The following WDR3 variants were observed in gnomAD, a reference collection of about 807,000 sequenced individuals.
The protein encoded by WDR3 is WD repeat domain 3.
A neutral mutation model predicts 123.7 loss-of-function variants in WDR3; 81 were observed. The ratio of observed to expected loss-of-function variants is 0.65; its 90% confidence interval spans 0.55 to 0.79. The LOEUF (loss-of-function observed/expected upper bound fraction) is 0.79. WDR3 is among the 30% of genes least tolerant of loss of function. WDR3 has a pLI of 0.00. For synonymous variants in WDR3, 390 were observed against 388.8 expected (o/e 1.00, Z -0.04); for missense variants, 1,027 against 1,123.2 (o/e 0.91, Z 1.22).
Position 117,952,374 on chromosome 1 carries a change from ATG to A in WDR3, c.1983_1984del (p.Ala662ArgfsTer4). On this transcript the variant is annotated frameshift_variant, in exon 18 of 27. Coordinates refer to ENST00000349139, the MANE Select transcript of WDR3 (RefSeq NM_006784.3). LOFTEE classifies it high-confidence loss of function. Reference sequence around the variant, plus strand: ...AAAGATCATAAGATTAAACAGTGGGATGCAGACAAATTTGAACACATACAGAC... The same window carrying A: ...AAAGATCATAAGATTAAACAGTGGGACAGACAAATTTGAACACATACAGAC... 6.2e-7 allele frequency: 1 copy of A among 1,613,414 alleles called. No homozygotes were observed. Among genetic ancestry groups the A allele is most frequent in the East Asian group, 2.2e-5 (1 of 44,872 alleles).
Position 117,959,852 on chromosome 1 carries a change from T to G in WDR3, c.*405T>G, listed in dbSNP as rs905812633. On this transcript the variant is annotated 3_prime_UTR_variant, in exon 27 of 27. Coordinates refer to ENST00000349139, the MANE Select transcript of WDR3 (RefSeq NM_006784.3). Reference sequence around the variant, plus strand: ...GTCATTTATTTATATTAGGTTTTACTGCCTATTGAGACAACCAGGTGCATA... The same window carrying G: ...GTCATTTATTTATATTAGGTTTTACGGCCTATTGAGACAACCAGGTGCATA... 1.3e-5 allele frequency: 2 copies of G among 154,126 alleles called. No individual in the cohort carries two copies. The highest frequency in any genetic ancestry group is 4.8e-5 in the African/African-American group (2 of 41,492). The allele number at this position is 154,126 out of a possible 1,614,324, so 9.5% of individuals were successfully genotyped here.
Position 117,964,034 on chromosome 1 carries a change from C to T in WDR3, c.*4587C>T. 1 of 1,390,636 alleles carries T rather than the reference C, an allele frequency of 7.2e-7. No individual in the cohort carries two copies. Among genetic ancestry groups the T allele is most frequent in the Non-Finnish European group, 9.8e-7 (1 of 1,019,282 alleles). 86.1% of individuals were successfully genotyped at this position (1,390,636 alleles called of 1,614,324 possible). ...TAGAATCATAGAATTTCTTCTCTGG[C>T]AACATCAGTTCAATTTTAGGTAACT... On this transcript the variant is annotated 3_prime_UTR_variant, in exon 27 of 27. Transcript: ENST00000349139.
chr1:117,950,817 G>A lies in WDR3; in HGVS notation c.1747-17G>A, dbSNP rs1557822685. 6.3e-7 allele frequency: 1 copy of A among 1,596,422 alleles called. No homozygotes were observed. Among genetic ancestry groups the A allele is most frequent in the Non-Finnish European group, 8.5e-7 (1 of 1,170,474 alleles). ...TATTTTATAGACAGACATTAATTAT[G>A]TTTTTTTGATGTTTAGTTTTTTCTG... On this transcript the variant is annotated splice_polypyrimidine_tract_variant and intron_variant, in intron 15 of 26. Transcript: ENST00000349139.
Position 117,941,849 on chromosome 1 carries a change from T to C in WDR3, c.989+2T>C. The C allele has an allele frequency of 6.2e-7, 1 of 1,604,440 alleles. No homozygotes were observed. Among genetic ancestry groups the C allele is most frequent in the Non-Finnish European group, 8.5e-7 (1 of 1,177,228 alleles). ...GAAGAAAGCTAGAAAGAAAGCAAAGTATGTTTTCTTAATACTTACATTAAT... is the reference window on the plus strand; with the variant it reads ...GAAGAAAGCTAGAAAGAAAGCAAAGCATGTTTTCTTAATACTTACATTAAT... On this transcript the variant is annotated splice_donor_variant, in intron 9 of 26. Transcript: ENST00000349139. LOFTEE classifies it high-confidence loss of function.
At chr1:117,952,199 C>T in intron 17 of WDR3, 98 bp from the exon 18 acceptor site, 1 of 1,412,458 alleles carries the variant, frequency 7.1e-7, no homozygotes, top group Non-Finnish European at 9.8e-7. Context: ...TATAGTCAGA[C>T]ACCCTAGAAC....
At chr1:117,954,443 C>A in intron 22 of WDR3, 137 bp from the exon 23 acceptor site, 1 of 786,668 alleles carries the variant, frequency 1.3e-6, no homozygotes. Context: ...TTTGATAATT[C>A]TTTTACACTC....
chr1:117,934,258 ATAAT>A lies in WDR3; in HGVS notation c.172-211_172-208del, dbSNP rs894223204. Among the ~76,000 whole-genome samples the A allele has an allele frequency of 3.0e-4, 45 of 152,344 alleles. 1 individual carries two copies. The highest frequency in any genetic ancestry group is 2.4e-3 in the Admixed American group (37 of 15,304). ...ACAACAACGTAGGGCTTTGGAGAAA[ATAAT>A]TAAGCCTTTTCTTAAATGTTTCATT... is the stretch of plus-strand genomic sequence containing the variant. On this transcript the variant is annotated intron_variant, in intron 2 of 26. Coordinates refer to ENST00000349139, the MANE Select transcript of WDR3 (RefSeq NM_006784.3).
chr1:117,956,589 T>C (rs140819163), intron 24 of WDR3, among the ~76,000 whole-genome samples: 98 of 152,326 alleles, frequency 6.4e-4, no homozygotes, highest in African/African-American at 2.2e-3. Context: ...CCTCTTAAGA[T>C]TTTAAATTGG....
At chr1:117,936,379 T>A (rs1410818659) in intron 3 of WDR3, among the ~76,000 whole-genome samples, 1 of 151,992 alleles carries the variant, frequency 6.6e-6, no homozygotes, top group East Asian at 1.9e-4. Flanking sequence ...AACAGAAAAA[T>A]TTTTAAATAA....
At chr1:117,939,088 T>C (rs1651050167) in intron 5 of WDR3, among the ~76,000 whole-genome samples, 1 of 152,230 alleles carries the variant, frequency 6.6e-6, no homozygotes, top group African/African-American at 2.4e-5. Flanking sequence ...TCCCGGATAC[T>C]TGAAGCTGAA....
intron 8 of WDR3, 85 bp downstream of exon 8, chr1:117,941,310 C>T (rs1376274218): frequency 7.4e-7 from 1 of 1,360,306 alleles, no homozygotes; most frequent in East Asian, 2.3e-5. Context: ...GTAAAGATGA[C>T]TTTTTCTTGA....
rs374656260 is a variant in WDR3, at chr1:117,944,613, CT to C, written c.1328+988del. 3.5e-3 allele frequency among the ~76,000 whole-genome samples: 526 copies of C among 152,330 alleles called. 4 individuals are homozygous for C. The highest frequency in any genetic ancestry group is 0.012 in the African/African-American group (501 of 41,576). Reference sequence around the variant, plus strand: ...TTCATGTCTCCAAAAATCTTCCCACCTGCTATTCCTTCAGACTTCCCTATCT... The same window carrying C: ...TTCATGTCTCCAAAAATCTTCCCACCGCTATTCCTTCAGACTTCCCTATCT... On this transcript the variant is annotated intron_variant, in intron 11 of 26. Transcript: ENST00000349139.
intron 1 of WDR3, 71 bp from the exon 2 acceptor site, chr1:117,933,216 AC>A: frequency 3.0e-6 from 4 of 1,333,076 alleles, no homozygotes; most frequent in Non-Finnish European, 4.1e-6. Context: ...AAACAAAAAA[AC>A]AGTTGGTGTT....
chr1:117,934,084 T>C (rs1386137099), intron 2 of WDR3, among the ~76,000 whole-genome samples: 2 of 152,224 alleles, frequency 1.3e-5, no homozygotes, highest in Non-Finnish European at 2.9e-5. Context: ...AGTACTCTGT[T>C]GCCACACAGA....
At chr1:117,948,940 T>A (rs1651505528) in intron 13 of WDR3, among the ~76,000 whole-genome samples, 1 of 152,182 alleles carries the variant, frequency 6.6e-6, no homozygotes, top group Non-Finnish European at 1.5e-5. Flanking sequence ...GGCAAAAGTA[T>A]GCTTATTCTA....
chr1:117,948,161 G>A (rs1651474304), intron 12 of WDR3, among the ~76,000 whole-genome samples: 1 of 152,186 alleles, frequency 6.6e-6, no homozygotes, highest in Non-Finnish European at 1.5e-5. Context: ...GTACTGCATG[G>A]TGGTATTATT....
intron 23 of WDR3, among the ~76,000 whole-genome samples, 163 bp downstream of exon 23, chr1:117,954,790 A>T (rs538328386): frequency 2.3e-4 from 35 of 152,270 alleles, no homozygotes; most frequent in Middle Eastern, 6.8e-3. Flanking sequence ...TTTGTATTTC[A>T]AAAGGACCAC....
chr1:117,950,320 AT>A (rs2101218372), intron 15 of WDR3, among the ~76,000 whole-genome samples, 190 bp downstream of exon 15: 1 of 152,276 alleles, frequency 6.6e-6, no homozygotes, highest in South Asian at 2.1e-4. Flanking sequence ...TGGTTCATGA[AT>A]TTTGTTTAAA....
rs776224353 is a variant in WDR3, at chr1:117,934,633, C to T, written c.332C>T (p.Thr111Ile). Residue 111 changes from threonine (T) to isoleucine (I), a missense_variant, in exon 3 of 27, where the codon ACT becomes ATT. Thr to Ile is a moderately conservative substitution (Grantham distance 89). Transcript: ENST00000349139. ...TTCAATGGTCACAAAGCAGCTATCA[C>T]TACCTTGAAGTATGATCAGCTAGGA... Reference protein sequence around the residue: ...VTFNGHKAAITTLKYDQLGGR... With the variant: ...VTFNGHKAAIITLKYDQLGGR... 6.2e-7 allele frequency: 1 copy of T among 1,614,010 alleles called. No homozygotes were observed. The highest frequency in any genetic ancestry group is 8.5e-7 in the Non-Finnish European group (1 of 1,179,982).
Sources: gnomAD v4.1 joint callset for allele counts (sites outside exome capture counted in the v4.1 genomes callset) on GRCh38, gnomAD v4.1.1 for gene constraint, MANE v1.5 for transcripts, NCBI Gene and HGNC (gene_info 2026-07-23, HGNC 2026-07-21) for gene names.